CNOT1: variants seen among roughly 807,000 people sequenced by gnomAD.
The protein encoded by CNOT1 is CCR4-associated factor 1.
CNOT1 carries 15 observed loss-of-function variants against 273.8 expected under a neutral mutation model. That is an observed-to-expected ratio of 0.05 (90% CI 0.04 to 0.08). The LOEUF (loss-of-function observed/expected upper bound fraction) is 0.08. CNOT1 is among the 10% of genes least tolerant of loss of function. CNOT1 has a pLI of 1.00. For missense variants in CNOT1, 1,644 were observed against 2,912.2 expected, an observed-to-expected ratio of 0.56 and a Z score of 10.02; for synonymous variants, 1,022 against 1,005.5, an observed-to-expected ratio of 1.02 and a Z score of -0.31.
intron 39 of CNOT1, 165 bp downstream of exon 39, chr16:58,536,824 T>G: frequency 5.3e-5 from 63 of 1,190,762 alleles, no homozygotes; most frequent in Non-Finnish European, 7.0e-5. Flanking sequence ...TGATCAACCA[T>G]GAGAAAACAG....
intron 1 of CNOT1, among the ~76,000 whole-genome samples, chr16:58,602,889 T>A (rs1352155669): frequency 6.6e-6 from 1 of 151,808 alleles, no homozygotes; most frequent in Non-Finnish European, 1.5e-5. Context: ...TGTTTCATAT[T>A]CAAAAAAAAG....
chr16:58,564,041 A>C (rs1367189905), intron 16 of CNOT1, among the ~76,000 whole-genome samples: 1 of 152,228 alleles, frequency 6.6e-6, no homozygotes. Flanking sequence ...TAAAAGAAAT[A>C]AGGAAGCTCT....
At chr16:58,527,096 C>G (rs1345022579) in intron 44 of CNOT1, among the ~76,000 whole-genome samples, 1 of 152,178 alleles carries the variant, frequency 6.6e-6, no homozygotes, top group Non-Finnish European at 1.5e-5. Context: ...GTGGTCCTCT[C>G]TCTCCTTTAT....
Position 58,520,895 on chromosome 16 carries a change from A to G in CNOT1, c.*63T>C. ...GAAGAGCTGAAAGGATTCTTCAGTC[A>G]GTTTATGAACTCGGTGCAGTGAGAC... is the stretch of plus-strand genomic sequence containing the variant. On this transcript the variant is annotated 3_prime_UTR_variant, in exon 49 of 49. Transcript: ENST00000317147. The G allele has an allele frequency of 1.3e-6, 2 of 1,518,070 alleles. No individual in the cohort carries two copies. The highest frequency in any genetic ancestry group is 9.1e-7 in the Non-Finnish European group (1 of 1,102,500). The allele number at this position is 1,518,070 out of a possible 1,614,324, so 94.0% of individuals were successfully genotyped here.
chr16:58,560,430 G>A (rs1403760336), intron 16 of CNOT1, 68 bp from the exon 17 acceptor site: 21 of 1,483,126 alleles, frequency 1.4e-5, no homozygotes, highest in Admixed American at 9.8e-5. Context: ...TAAACCAACC[G>A]ATCTGATTTT....
chr16:58,581,950 T>C (rs2041672718), intron 10 of CNOT1, among the ~76,000 whole-genome samples: 1 of 151,932 alleles, frequency 6.6e-6, no homozygotes, highest in African/African-American at 2.4e-5. Context: ...GGAGTGAGCC[T>C]CCACAACCGG....
At chr16:58,546,871 A>G in intron 27 of CNOT1, 122 bp from the exon 28 acceptor site, 5 of 1,270,432 alleles carry the variant, frequency 3.9e-6, no homozygotes, top group Non-Finnish European at 5.5e-6. Context: ...ACAAAAAACA[A>G]GGATTAAAAA....
Position 58,539,870 on chromosome 16 carries a change from C to T in CNOT1, c.4890G>A (p.Leu1630=), listed in dbSNP as rs2040035023. The change falls in exon 35 of 49, where the codon TTG becomes TTA. Residue 1630 remains leucine (L), a synonymous_variant. Transcript: ENST00000317147. ...GAGCCTGAGCTTGAGGGTTCATGGC[C>T]AAAGTTGGTGGGATGGCATGTAGAT... is the stretch of plus-strand genomic sequence containing the variant. ...EQHLHAIPPT[L]AMNPQAQALR... 1 of 1,613,974 alleles carries T rather than the reference C, an allele frequency of 6.2e-7. No individual in the cohort carries two copies. Among genetic ancestry groups the T allele is most frequent in the African/African-American group, 1.3e-5 (1 of 74,894 alleles).
chr16:58,591,174 C>T (rs1473430170), intron 2 of CNOT1, among the ~76,000 whole-genome samples: 2 of 152,038 alleles, frequency 1.3e-5, no homozygotes, highest in Non-Finnish European at 2.9e-5. Flanking sequence ...CTCTGAAGAT[C>T]AGAAAAAGGG....
chr16:58,590,436 C>T (rs1191553503), intron 2 of CNOT1, among the ~76,000 whole-genome samples: 1 of 151,966 alleles, frequency 6.6e-6, no homozygotes, highest in Non-Finnish European at 1.5e-5. Flanking sequence ...ACCATCTCTA[C>T]CAAAAAAAAT....
At chr16:58,604,621 T>TAAAAAA (rs869046701) in intron 1 of CNOT1, among the ~76,000 whole-genome samples, 1 of 120,858 alleles carries the variant, frequency 8.3e-6, no homozygotes, top group Non-Finnish European at 1.7e-5. Context: ...ATCTCTGCTA[T>TAAAAAA]AAAAAAAAAA....
intron 39 of CNOT1, 61 bp downstream of exon 39, chr16:58,536,928 T>C (rs764138070): frequency 3.1e-5 from 49 of 1,585,052 alleles, no homozygotes; most frequent in South Asian, 5.9e-5. Context: ...AGCTTTAATA[T>C]TGGAGGCATC....
At chr16:58,528,899 A>C (rs530619985) in intron 43 of CNOT1, among the ~76,000 whole-genome samples, 1 of 152,116 alleles carries the variant, frequency 6.6e-6, no homozygotes, top group East Asian at 1.9e-4. Context: ...AGACTGGACA[A>C]AAAATAAAAA....
chr16:58,534,852 AT>A (rs1296697336), intron 39 of CNOT1, among the ~76,000 whole-genome samples: 1 of 152,238 alleles, frequency 6.6e-6, no homozygotes, highest in Non-Finnish European at 1.5e-5. Context: ...AATAACAAAG[AT>A]TTTAAAACTC....
intron 43 of CNOT1, among the ~76,000 whole-genome samples, chr16:58,528,912 C>T (rs1420595307): frequency 6.8e-6 from 1 of 146,488 alleles, no homozygotes; most frequent in African/African-American, 2.5e-5. Flanking sequence ...AATAAAAATA[C>T]AATGATGTAA....
chr16:58,624,181 G>C (rs1394845105), intron 1 of CNOT1, among the ~76,000 whole-genome samples: 1 of 152,194 alleles, frequency 6.6e-6, no homozygotes, highest in Admixed American at 6.6e-5. Context: ...CTTTCAACCT[G>C]TGGGATCTGA....
At chr16:58,564,196 GACTA>G (rs1167909981) in intron 16 of CNOT1, among the ~76,000 whole-genome samples, 7 of 152,106 alleles carry the variant, frequency 4.6e-5, no homozygotes, top group East Asian at 1.9e-4. Context: ...TAATGATAGT[GACTA>G]ACTACAGGAG....
chr16:58,521,347 G>A, intron 47 of CNOT1, 30 bp from the exon 48 acceptor site: 1 of 1,570,374 alleles, frequency 6.4e-7, no homozygotes, highest in Non-Finnish European at 8.6e-7. Context: ...GCTAGTTAAT[G>A]TATAGAAGCA....
intron 13 of CNOT1, among the ~76,000 whole-genome samples, chr16:58,577,845 CAAA>C (rs34127478): frequency 4.7e-5 from 5 of 106,358 alleles, no homozygotes; most frequent in South Asian, 2.8e-4. Flanking sequence ...TCCTCTCTCT[CAAA>C]AAAAAAAAAA....
Sources: gnomAD v4.1 joint callset for allele counts (sites outside exome capture counted in the v4.1 genomes callset) on GRCh38, gnomAD v4.1.1 for gene constraint, MANE v1.5 for transcripts, NCBI Gene and HGNC (gene_info 2026-07-23, HGNC 2026-07-21) for gene names.